The following REPS1 variants were observed in gnomAD, a reference collection of about 807,000 sequenced individuals.
REPS1 encodes the protein RALBP1 associated Eps domain containing 1, also known as ralBP1-associated Eps domain-containing protein 1.
A neutral mutation model predicts 100.9 loss-of-function variants in REPS1; 39 were observed. The ratio of observed to expected loss-of-function variants is 0.39; its 90% CI spans 0.30 to 0.50. REPS1 has a LOEUF of 0.50. Among genes scored for constraint, REPS1 ranks in the 20% least tolerant of loss-of-function variants. The probability of loss-of-function intolerance (pLI) is 0.86; values close to 1 mark genes in which losing one functional copy is unlikely to be tolerated. For missense variants in REPS1, 821 were observed against 968.5 expected (o/e 0.85, Z 2.02); for synonymous variants, 324 against 340.3 (o/e 0.95, Z 0.53).
intron 18 of REPS1, 103 bp downstream of exon 18, chr6:138,908,565 G>A: frequency 7.9e-7 from 1 of 1,258,460 alleles, no homozygotes; most frequent in Non-Finnish European, 1.2e-6. Flanking sequence ...AAAATGCTGG[G>A]ATTACAGGTG....
intron 1 of REPS1, among the ~76,000 whole-genome samples, chr6:138,972,974 C>T (rs1261196114): frequency 6.6e-6 from 1 of 152,144 alleles, no homozygotes; most frequent in African/African-American, 2.4e-5. Flanking sequence ...AAAGCACCAA[C>T]TAAGCAGTCT....
chr6:138,986,405 T>C lies in REPS1; in HGVS notation c.153+1125A>G, dbSNP rs1403323786. On this transcript the variant is annotated intron_variant, in intron 1 of 19. Transcript: ENST00000450536. ...ACAGAGACCTGTGTGTGGACATTTTTATTCTTCACAGAATTTTTGTTGGAA... is the reference window on the plus strand; with the variant it reads ...ACAGAGACCTGTGTGTGGACATTTTCATTCTTCACAGAATTTTTGTTGGAA... Among the ~76,000 whole-genome samples, 8 of 152,254 alleles carry C rather than the reference T, an allele frequency of 5.3e-5. No individual in the cohort carries two copies. In the South Asian group the frequency reaches 6.2e-4, roughly 12 times the overall value.
intron 8 of REPS1, among the ~76,000 whole-genome samples, chr6:138,935,254 G>T (rs1312411506): frequency 6.6e-6 from 1 of 152,142 alleles, no homozygotes; most frequent in African/African-American, 2.4e-5. Context: ...TGTCCAACAA[G>T]ATTTGAAAAG....
At chr6:138,937,168 T>C (rs1272910980) in intron 8 of REPS1, among the ~76,000 whole-genome samples, 2 of 152,070 alleles carry the variant, frequency 1.3e-5, no homozygotes, top group African/African-American at 2.4e-5. Context: ...TGAGAAAGCA[T>C]GGGAAAGACC....
chr6:138,906,064 T>C (rs11967353), intron 19 of REPS1, among the ~76,000 whole-genome samples: 11,819 of 152,296 alleles, frequency 0.078, 893 homozygotes, highest in East Asian at 0.21. Context: ...TCTATATACT[T>C]GTTTCAATGG....
chr6:138,910,597 G>C (rs1950064), intron 17 of REPS1, among the ~76,000 whole-genome samples: 1 of 152,034 alleles, frequency 6.6e-6, no homozygotes, highest in African/African-American at 2.4e-5. Context: ...CAAGTGATCC[G>C]CCTGCCTTGG....
chr6:138,907,339 T>TGTGTGTGTGG, intron 19 of REPS1, 156 bp downstream of exon 19: 3 of 467,838 alleles, frequency 6.4e-6, no homozygotes, highest in South Asian at 2.3e-5. Context: ...TGTGTGTGTG[T>TGTGTGTGTGG]GGCGGGGAGG....
chr6:138,942,100 C>A (rs1272847805), intron 7 of REPS1, among the ~76,000 whole-genome samples: 1 of 152,124 alleles, frequency 6.6e-6, no homozygotes, highest in African/African-American at 2.4e-5. Context: ...CTGCCTTGGG[C>A]TCCCAAAGTG....
intron 14 of REPS1, chr6:138,914,986 C>A: frequency 2.0e-6 from 1 of 512,134 alleles, no homozygotes; most frequent in Non-Finnish European, 3.4e-6. Context: ...TTACATGAAG[C>A]CCTCCTGGCA....
At position 138,964,689 on chromosome 6, in the gene REPS1, A is replaced by C. The variant is rs989335631; in HGVS notation, c.154-16776T>G. ...TACGAGATAAGAATTTCCTTTCTATACAAGTATTAGTATATAAATATAAAA... is the reference window on the plus strand; with the variant it reads ...TACGAGATAAGAATTTCCTTTCTATCCAAGTATTAGTATATAAATATAAAA... On this transcript the variant is annotated intron_variant, in intron 1 of 19. Coordinates refer to ENST00000450536, the MANE Select transcript of REPS1 (RefSeq NM_001286611.2). Among the ~76,000 whole-genome samples the C allele has an allele frequency of 2.0e-5, 3 of 152,190 alleles. No homozygotes were observed. In the South Asian group the frequency reaches 6.2e-4, roughly 32 times the overall value.
intron 2 of REPS1, 93 bp from the exon 3 acceptor site, chr6:138,945,790 G>T (rs1046493911): frequency 2.8e-6 from 3 of 1,059,504 alleles, no homozygotes; most frequent in Non-Finnish European, 3.9e-6. Flanking sequence ...TAGAATTTTT[G>T]TAAAAATGGA....
chr6:138,940,857 C>T (rs1015450144), intron 8 of REPS1, among the ~76,000 whole-genome samples: 1 of 151,846 alleles, frequency 6.6e-6, no homozygotes, highest in South Asian at 2.1e-4. Context: ...AAATCATACA[C>T]AGAAAGTCCA....
At chr6:138,939,893 T>C (rs1383525548) in intron 8 of REPS1, among the ~76,000 whole-genome samples, 3 of 152,220 alleles carry the variant, frequency 2.0e-5, no homozygotes, top group Non-Finnish European at 4.4e-5. Context: ...AGGATTATCA[T>C]AGAAAAATGT....
Position 138,907,524 on chromosome 6 carries a change from A to G in REPS1, c.2293T>C (p.Leu765=). ...NKETNTVLAR[L]NSELQQQLKD... ...AATTGTTGCTGCAATTCGCTATTCA[A>G]TCTGGCCAAAACGGTGTTGGTTTCC... The change falls in exon 19 of 20, where the codon TTG becomes CTG. Residue 765 remains leucine (L), a synonymous_variant. Coordinates refer to ENST00000450536, the MANE Select transcript of REPS1 (RefSeq NM_001286611.2). The G allele has an allele frequency of 6.2e-7, 1 of 1,613,272 alleles. No homozygotes were observed. The highest frequency in any genetic ancestry group is 8.5e-7 in the Non-Finnish European group (1 of 1,179,394).
At chr6:138,946,759 G>C (rs1045947289) in intron 2 of REPS1, among the ~76,000 whole-genome samples, 1 of 152,088 alleles carries the variant, frequency 6.6e-6, no homozygotes, top group African/African-American at 2.4e-5. Flanking sequence ...TTTACTCTAT[G>C]AAAATGAAAG....
At chr6:138,979,180 C>CAAAAAAAAAAAAAAAAA (rs568626153) in intron 1 of REPS1, among the ~76,000 whole-genome samples, 4 of 59,316 alleles carry the variant, frequency 6.7e-5, no homozygotes, top group Non-Finnish European at 8.7e-5. Flanking sequence ...GAATCCATCA[C>CAAAAAAAAAAAAAAAAA]AAAAAAAAAA....
intron 1 of REPS1, among the ~76,000 whole-genome samples, chr6:138,959,387 A>T (rs1783595621): frequency 6.6e-6 from 1 of 152,204 alleles, no homozygotes; most frequent in Non-Finnish European, 1.5e-5. Flanking sequence ...AACTCAAAAG[A>T]CACAATGACG....
chr6:138,947,692 C>A, intron 2 of REPS1, 98 bp downstream of exon 2: 1 of 1,098,762 alleles, frequency 9.1e-7, no homozygotes, highest in Non-Finnish European at 1.3e-6. Context: ...GTCACAAATG[C>A]CACTATAAGA....
At chr6:138,931,993 T>C (rs1781509729) in intron 8 of REPS1, among the ~76,000 whole-genome samples, 2 of 152,252 alleles carry the variant, frequency 1.3e-5, no homozygotes, top group Non-Finnish European at 1.5e-5. Flanking sequence ...AAAGCAAGAC[T>C]CTATTACTTT....
Sources: allele counts gnomAD v4.1 joint callset (sites outside exome capture counted in the v4.1 genomes callset), GRCh38; gene constraint gnomAD v4.1.1; transcripts MANE v1.5; gene names NCBI Gene and HGNC (gene_info 2026-07-23, HGNC 2026-07-21).